The following MTHFD1L variants were observed in gnomAD, a reference collection of about 807,000 sequenced individuals.
The protein encoded by MTHFD1L is monofunctional C1-tetrahydrofolate synthase, mitochondrial.
Under a neutral mutation model 119.5 loss-of-function variants are expected in MTHFD1L, and 81 were observed. That is an observed-to-expected ratio of 0.68 (90% CI 0.57 to 0.82). The LOEUF (loss-of-function observed/expected upper bound fraction) is 0.82. Among genes scored for constraint, MTHFD1L ranks in the 40% least tolerant of loss-of-function variants. The pLI is 0.00. For synonymous variants in MTHFD1L, 430 were observed against 475.2 expected (o/e 0.90, Z 1.24); for missense variants, 1,125 against 1,253.4 (o/e 0.90, Z 1.55).
rs146402567 is a variant in MTHFD1L at position 150,887,027 on chromosome 6, C to T, written c.644-818C>T. On this transcript the variant is annotated intron_variant, in intron 6 of 27. Transcript: ENST00000367321. The stretch of plus-strand genomic sequence containing the variant: ...AAAAAAAAGAAAAGAAAAAATTCAA[C>T]GAACTAAATCTTTTTCTCTACTCCA... Among the ~76,000 whole-genome samples, 18 of 148,856 alleles carry T rather than the reference C, an allele frequency of 1.2e-4. No homozygotes were observed. In the East Asian group the frequency reaches 3.5e-3, roughly 29 times the overall value.
At chr6:150,948,796 ATG>A (rs1562436943) in intron 15 of MTHFD1L, among the ~76,000 whole-genome samples, 9 of 83,354 alleles carry the variant, frequency 1.1e-4, no homozygotes, top group Non-Finnish European at 2.3e-4. Context: ...ATGCGCCACC[ATG>A]CCCAGCTAAT....
chr6:150,938,646 G>T (rs774974147), intron 12 of MTHFD1L, 53 bp from the exon 13 acceptor site: 2 of 1,579,074 alleles, frequency 1.3e-6, no homozygotes, highest in Non-Finnish European at 1.7e-6. Context: ...TGTGTCCATC[G>T]TGGCAGCTGT....
At chr6:151,015,407 A>G in intron 23 of MTHFD1L, 109 bp from the exon 24 acceptor site, 1 of 1,251,246 alleles carries the variant, frequency 8.0e-7, no homozygotes, top group African/African-American at 1.5e-5. Flanking sequence ...TTTGATGTTT[A>G]AAATGTATTC....
intron 26 of MTHFD1L, among the ~76,000 whole-genome samples, chr6:151,040,568 T>C (rs1388834627): frequency 2.6e-5 from 4 of 151,574 alleles, no homozygotes; most frequent in Admixed American, 1.3e-4. Flanking sequence ...TAGCCAGGAG[T>C]CATGGCACGC....
intron 8 of MTHFD1L, among the ~76,000 whole-genome samples, chr6:150,918,102 G>A (rs1788287718): frequency 8.7e-6 from 1 of 115,102 alleles, no homozygotes; most frequent in African/African-American, 3.4e-5. Context: ...ATCTTGCTAT[G>A]TCGCCCAGGT....
chr6:150,936,655 T>C (rs1209052209), intron 11 of MTHFD1L, 149 bp from the exon 12 acceptor site: 61 of 939,960 alleles, frequency 6.5e-5, no homozygotes, highest in Non-Finnish European at 1.6e-6. Flanking sequence ...TCCTGTGTGA[T>C]GTGAGTAGAC....
At chr6:150,873,264 G>A (rs942532188) in intron 1 of MTHFD1L, among the ~76,000 whole-genome samples, 7 of 152,034 alleles carry the variant, frequency 4.6e-5, no homozygotes, top group Non-Finnish European at 7.4e-5. Context: ...GCAGTGAGCC[G>A]AGATCGTGCC....
chr6:151,059,785 C>A (rs1348960487), intron 26 of MTHFD1L, among the ~76,000 whole-genome samples: 2 of 152,176 alleles, frequency 1.3e-5, no homozygotes, highest in Admixed American at 1.3e-4. Flanking sequence ...TGGGTCTGTG[C>A]TGCTCAGTTA....
chr6:151,025,886 G>T (rs567589019), intron 24 of MTHFD1L, among the ~76,000 whole-genome samples: 1 of 152,312 alleles, frequency 6.6e-6, no homozygotes. Flanking sequence ...TCTTCTAAAA[G>T]ATTTTTCAGA....
intron 24 of MTHFD1L, among the ~76,000 whole-genome samples, chr6:151,032,271 A>G (rs1036378430): frequency 6.6e-6 from 1 of 152,234 alleles, no homozygotes; most frequent in African/African-American, 2.4e-5. Context: ...GCATGGCACC[A>G]ACATCTGCTG....
chr6:150,959,593 T>G (rs1796138636), intron 17 of MTHFD1L, among the ~76,000 whole-genome samples: 1 of 152,164 alleles, frequency 6.6e-6, no homozygotes. Flanking sequence ...GGCCATATCC[T>G]CCTGGGCAGC....
chr6:150,877,721 T>C, intron 3 of MTHFD1L, 37 bp downstream of exon 3: 2 of 1,614,188 alleles, frequency 1.2e-6, no homozygotes. Flanking sequence ...CACTATAACT[T>C]TTAACAATAC....
intron 26 of MTHFD1L, among the ~76,000 whole-genome samples, chr6:151,071,633 A>G (rs75941129): frequency 0.022 from 3,291 of 152,156 alleles, 106 homozygotes; most frequent in South Asian, 0.12. Flanking sequence ...CCCAAAAATT[A>G]CAAGTTCAGA....
chr6:150,877,488 T>C, intron 2 of MTHFD1L, 146 bp from the exon 3 acceptor site: 1 of 889,564 alleles, frequency 1.1e-6, no homozygotes, highest in Non-Finnish European at 1.7e-6. Context: ...CCAAGTCCCT[T>C]TTTATAAGCA....
chr6:151,080,557 G>T (rs1793042658), intron 26 of MTHFD1L, among the ~76,000 whole-genome samples: 1 of 152,222 alleles, frequency 6.6e-6, no homozygotes, highest in Non-Finnish European at 1.5e-5. Context: ...TTCGGTCCAG[G>T]AATTGAAGGT....
intron 8 of MTHFD1L, among the ~76,000 whole-genome samples, chr6:150,909,118 A>G (rs1248678585): frequency 6.6e-6 from 1 of 152,180 alleles, no homozygotes; most frequent in Non-Finnish European, 1.5e-5. Flanking sequence ...GATTTTCCTG[A>G]TGGCTAATAT....
intron 24 of MTHFD1L, among the ~76,000 whole-genome samples, chr6:151,018,882 G>A (rs1320129687): frequency 1.3e-5 from 2 of 152,250 alleles, no homozygotes; most frequent in African/African-American, 4.8e-5. Flanking sequence ...AGGCCATTTT[G>A]TGAATGAGGA....
Position 150,944,516 on chromosome 6 carries a change from G to A in MTHFD1L, c.1471G>A (p.Ala491Thr), listed in dbSNP as rs1793631048. The change falls in exon 14 of 28, where the codon GCC becomes ACC. Residue 491 changes from alanine (A) to threonine (T), a missense_variant. Physicochemically the swap from Ala to Thr is moderately conservative, Grantham distance 58. Around this residue, in one of 3 missense-constraint regions of MTHFD1L, gnomAD observed 1,058 missense variants for 1,151.2 expected, o/e 0.92. Transcript: ENST00000367321. ...CCTTCACTTGACTGGAGACATCCAC[G>A]CCATCACCGCTGCCAATAACTTGCT... Reference protein sequence around the residue: ...FNLHLTGDIHAITAANNLLAA... With the variant: ...FNLHLTGDIHTITAANNLLAA... 10 of 1,613,856 alleles carry A rather than the reference G, an allele frequency of 6.2e-6. No homozygotes were observed. Among genetic ancestry groups the A allele is most frequent in the Non-Finnish European group, 8.5e-6 (10 of 1,179,908 alleles).
intron 7 of MTHFD1L, among the ~76,000 whole-genome samples, chr6:150,905,394 G>A (rs1785740897): frequency 6.6e-6 from 1 of 152,140 alleles, no homozygotes; most frequent in Admixed American, 6.5e-5. Context: ...AATACTCCAT[G>A]CAGTATGTAT....
Sources: gnomAD v4.1 joint callset for allele counts (sites outside exome capture counted in the v4.1 genomes callset) on GRCh38, gnomAD v4.1.1 for gene constraint, gnomAD v4.1.1 regional missense constraint, MANE v1.5 for transcripts, NCBI Gene and HGNC (gene_info 2026-07-23, HGNC 2026-07-21) for gene names.